TM4SF4: variants seen among roughly 807,000 people sequenced by gnomAD.
The protein encoded by TM4SF4 is transmembrane 4 L6 family member 4.
A neutral mutation model predicts 24.1 loss-of-function variants in TM4SF4; 24 were observed. That is an observed-to-expected ratio of 1.00 (90% CI 0.72 to 1.40). TM4SF4 has a LOEUF of 1.40. Ranked by LOEUF, TM4SF4 falls within the 40% of genes most tolerant of loss-of-function variation. The pLI is 0.00. For synonymous variants in TM4SF4, 113 were observed against 97.0 expected (o/e 1.17, Z -0.97); for missense variants, 254 against 254.2 (o/e 1.00, Z 0.01).
Position 149,500,002 on chromosome 3 carries a change from C to T in TM4SF4, c.591+1091C>T, listed in dbSNP as rs188241043. Among the ~76,000 whole-genome samples, 150 of 152,262 alleles carry T rather than the reference C, an allele frequency of 9.9e-4. 2 individuals carry two copies. In the East Asian group the frequency reaches 0.026, roughly 26 times the overall value. ...GGTATTCAGTTGGAAAGTCTCCCTCCGGCCTTTGTCTTCTATCCAGCCAGT... is the reference window on the plus strand; with the variant it reads ...GGTATTCAGTTGGAAAGTCTCCCTCTGGCCTTTGTCTTCTATCCAGCCAGT... On this transcript the variant is annotated intron_variant, in intron 4 of 4. Transcript: ENST00000305354.
intron 3 of TM4SF4, among the ~76,000 whole-genome samples, chr3:149,492,091 G>T (rs995983784): frequency 3.3e-5 from 5 of 152,130 alleles, no homozygotes; most frequent in Admixed American, 3.3e-4. Flanking sequence ...ACTAAAGAGA[G>T]ATAAAAGCTG....
intron 3 of TM4SF4, among the ~76,000 whole-genome samples, chr3:149,494,243 G>A (rs1175923273): frequency 6.6e-6 from 1 of 152,200 alleles, no homozygotes; most frequent in African/African-American, 2.4e-5. Context: ...GGGCCTGAGT[G>A]TGGCTATGTG....
chr3:149,489,471 A>G (rs1734174290), intron 3 of TM4SF4, among the ~76,000 whole-genome samples: 1 of 152,242 alleles, frequency 6.6e-6, no homozygotes, highest in African/African-American at 2.4e-5. Context: ...AACAAAACAG[A>G]TGCCAAAAAA....
intron 4 of TM4SF4, among the ~76,000 whole-genome samples, chr3:149,500,682 G>A (rs1454878495): frequency 1.3e-5 from 2 of 152,092 alleles, no homozygotes; most frequent in Non-Finnish European, 2.9e-5. Context: ...TTAGCTGGGT[G>A]GTAAATTTTC....
rs373709035 is a variant in TM4SF4, at chr3:149,487,588, G to A, written c.265-31G>A. 1.9e-6 allele frequency: 3 copies of A among 1,613,510 alleles called. No individual in the cohort carries two copies. The African/African-American group carries it at 4.0e-5, about 22-fold the overall frequency. On this transcript the variant is annotated intron_variant, in intron 2 of 4. Coordinates refer to ENST00000305354, the MANE Select transcript of TM4SF4 (RefSeq NM_004617.4). ...GAGTGTATCCTCTGGACCACCTGGA[G>A]AATGTGACTGTCTCTCTTCCTCTCT...
At chr3:149,496,854 G>C (rs1230213706) in intron 3 of TM4SF4, among the ~76,000 whole-genome samples, 3 of 148,024 alleles carry the variant, frequency 2.0e-5, no homozygotes, top group African/African-American at 7.3e-5. Context: ...GTGGTTCTTA[G>C]TCTGTTATAT....
Position 149,498,753 on chromosome 3 carries a change from A to T in TM4SF4, c.433A>T (p.Lys145Ter), listed in dbSNP as rs1284960461. ...TCTCAATGATGAGGCCTTATGGAAC[A>T]AGTGCCGAGAGCCTCTCAATGTGGT... is the stretch of plus-strand genomic sequence containing the variant. ...DYLNDEALWN[K>*]CREPLNVVPW... The change falls in exon 4 of 5, where the codon AAG becomes TAG. Residue 145 changes from lysine to a stop codon, truncating the protein, a stop_gained. Transcript: ENST00000305354. LOFTEE classifies it high-confidence loss of function. The T allele has an allele frequency of 6.2e-7, 1 of 1,613,998 alleles. No individual in the cohort carries two copies. The highest frequency in any genetic ancestry group is 1.1e-5 in the South Asian group (1 of 91,088).
At chr3:149,495,067 CTG>C in intron 3 of TM4SF4, 1 of 256,614 alleles carries the variant, frequency 3.9e-6, no homozygotes, top group Non-Finnish European at 7.8e-6. Context: ...TGCTTACACA[CTG>C]GGGATGAAAC....
chr3:149,495,386 C>T (rs1314530711), intron 3 of TM4SF4: 3 of 326,262 alleles, frequency 9.2e-6, no homozygotes, highest in African/African-American at 2.2e-5. Flanking sequence ...TTGCATCTGC[C>T]CCTCCAGATG....
intron 3 of TM4SF4, chr3:149,495,367 G>C: frequency 3.2e-6 from 1 of 314,604 alleles, no homozygotes; most frequent in Non-Finnish European, 6.5e-6. Flanking sequence ...TCATCCAACC[G>C]ACAAGCCCTT....
chr3:149,481,891 TTTC>T (rs1442418188), intron 2 of TM4SF4, among the ~76,000 whole-genome samples: 1 of 152,240 alleles, frequency 6.6e-6, no homozygotes, highest in African/African-American at 2.4e-5. Flanking sequence ...CGTTGAATTT[TTTC>T]TCTCCAGAGT....
intron 3 of TM4SF4, among the ~76,000 whole-genome samples, chr3:149,493,950 A>G (rs888361579): frequency 6.6e-6 from 1 of 152,208 alleles, no homozygotes; most frequent in African/African-American, 2.4e-5. Flanking sequence ...AGCTGAGAAG[A>G]GAGTTCTGTG....
intron 3 of TM4SF4, among the ~76,000 whole-genome samples, chr3:149,496,905 G>T (rs1359511845): frequency 1.3e-5 from 2 of 151,598 alleles, no homozygotes; most frequent in African/African-American, 4.8e-5. Context: ...TGGGCGTGGT[G>T]ACTCACACCT....
rs1245760353 is a variant in TM4SF4, at chr3:149,475,034, T to C, written c.157T>C (p.Leu53=). The change falls in exon 1 of 5, where the codon TTA becomes CTA. Residue 53 remains leucine, a synonymous_variant. Transcript: ENST00000305354. Reference sequence around the variant, plus strand: ...AGAGATCTGGTTTTTCGGAGGAATATTAGGAAGCGGTGTCTTGGTGAGTAG... The same window carrying C: ...AGAGATCTGGTTTTTCGGAGGAATACTAGGAAGCGGTGTCTTGGTGAGTAG... ...SQEIWFFGGI[L]GSGVLMIFPA... 6.2e-7 allele frequency: 1 copy of C among 1,612,578 alleles called. No homozygotes were observed. Among genetic ancestry groups the C allele is most frequent in the Non-Finnish European group, 8.5e-7 (1 of 1,179,544 alleles).
intron 2 of TM4SF4, among the ~76,000 whole-genome samples, chr3:149,479,022 C>T (rs532415518): frequency 6.6e-6 from 1 of 152,304 alleles, no homozygotes; most frequent in African/African-American, 2.4e-5. Context: ...CTGCCTTAAC[C>T]TCCCAAAGTG....
chr3:149,477,330 G>T (rs1342579605), intron 2 of TM4SF4, among the ~76,000 whole-genome samples: 5 of 152,150 alleles, frequency 3.3e-5, no homozygotes, highest in Non-Finnish European at 7.4e-5. Flanking sequence ...AAGCATAGTA[G>T]AACTGGAATT....
At chr3:149,497,489 T>A (rs761127870) in intron 3 of TM4SF4, among the ~76,000 whole-genome samples, 17 of 151,158 alleles carry the variant, frequency 1.1e-4, no homozygotes, top group Non-Finnish European at 2.1e-4. Flanking sequence ...AGATAAAGAG[T>A]TTTTCATTAA....
intron 2 of TM4SF4, among the ~76,000 whole-genome samples, chr3:149,485,320 C>A (rs1403104365): frequency 8.5e-5 from 13 of 152,134 alleles, no homozygotes. Context: ...AAAGAGATTG[C>A]CTGTTCTAAC....
At chr3:149,485,642 G>T (rs1207079249) in intron 2 of TM4SF4, among the ~76,000 whole-genome samples, 1 of 152,058 alleles carries the variant, frequency 6.6e-6, no homozygotes, top group Non-Finnish European at 1.5e-5. Context: ...AAAAAGCTAA[G>T]CATTAGTTGG....
Sources: gnomAD v4.1 joint callset for allele counts (sites outside exome capture counted in the v4.1 genomes callset) on GRCh38, gnomAD v4.1.1 for gene constraint, MANE v1.5 for transcripts, NCBI Gene and HGNC (gene_info 2026-07-23, HGNC 2026-07-21) for gene names.